CREB3L1: variants seen among roughly 807,000 people sequenced by gnomAD.
CREB3L1 encodes the protein cAMP responsive element binding protein 3 like 1.
In CREB3L1, 33 loss-of-function variants were observed where a neutral mutation model predicts 54.5. The observed-to-expected ratio is 0.61, with a 90% CI of 0.46 to 0.81. CREB3L1 has a LOEUF of 0.81. Ranked by LOEUF, CREB3L1 falls within the 30% of genes least tolerant of loss-of-function variation. The pLI, the probability that CREB3L1 is intolerant of heterozygous loss-of-function variation, is 0.00. For synonymous variants in CREB3L1, 284 were observed against 286.4 expected (o/e 0.99, Z 0.08); for missense variants, 656 against 673.3 (o/e 0.97, Z 0.29).
At chr11:46,313,420 C>T (rs1229369027) in intron 8 of CREB3L1, among the ~76,000 whole-genome samples, 1 of 152,202 alleles carries the variant, frequency 6.6e-6, no homozygotes, top group Middle Eastern at 3.2e-3. Context: ...GGCACGGTGG[C>T]TCACGCTTGT....
chr11:46,295,521 A>G lies in CREB3L1; in HGVS notation c.103-4414A>G, dbSNP rs1216732162. ...TTTCTGCCTCGGCCCCAGACGCAGA[A>G]GGGGTCCCATGCAGGCCCGAGCCAG... On this transcript the variant is annotated intron_variant, in intron 1 of 11. Coordinates refer to ENST00000621158, the MANE Select transcript of CREB3L1 (RefSeq NM_052854.4). The surrounding 1 kb of genome is among the most constrained non-coding windows in gnomAD (Gnocchi z 4.6). Among the ~76,000 whole-genome samples the G allele has an allele frequency of 6.6e-6, 1 of 152,184 alleles. No homozygotes were observed. The highest frequency in any genetic ancestry group is 1.5e-5 in the Non-Finnish European group (1 of 68,012).
intron 1 of CREB3L1, among the ~76,000 whole-genome samples, chr11:46,282,966 T>C (rs984600400): frequency 1.1e-4 from 16 of 152,116 alleles, no homozygotes; most frequent in African/African-American, 2.7e-4. Context: ...GGTAGGAGGA[T>C]TGCTTGAGCC....
intron 1 of CREB3L1, among the ~76,000 whole-genome samples, chr11:46,279,429 C>T (rs1938934131): frequency 6.6e-6 from 1 of 152,120 alleles, no homozygotes; most frequent in South Asian, 2.1e-4. Context: ...CCTGGTCACC[C>T]TGCGCTCTGA....
intron 2 of CREB3L1, among the ~76,000 whole-genome samples, chr11:46,305,199 T>TA (rs1939361992): frequency 6.6e-6 from 1 of 152,076 alleles, no homozygotes; most frequent in African/African-American, 2.4e-5. Context: ...AGGGCTGACT[T>TA]AGAGTGGAAG....
intron 1 of CREB3L1, among the ~76,000 whole-genome samples, chr11:46,293,980 T>C (rs1245896334): frequency 6.6e-6 from 1 of 152,224 alleles, no homozygotes; most frequent in Non-Finnish European, 1.5e-5. Context: ...TGAGGGTATC[T>C]GTATGTGTGA....
At chr11:46,306,618 C>G (rs1417148308) in intron 2 of CREB3L1, among the ~76,000 whole-genome samples, 9 of 152,192 alleles carry the variant, frequency 5.9e-5, no homozygotes, top group African/African-American at 2.2e-4. Flanking sequence ...AAGCCACCCC[C>G]ACTGGCCTCT....
At chr11:46,315,505 A>G (rs1038472378) in intron 8 of CREB3L1, 1 of 203,390 alleles carries the variant, frequency 4.9e-6, no homozygotes, top group Non-Finnish European at 1.0e-5. Context: ...TATATAAATA[A>G]ACGAAGTGCC....
intron 2 of CREB3L1, among the ~76,000 whole-genome samples, chr11:46,306,348 AC>A (rs1216261451): frequency 6.6e-6 from 1 of 152,120 alleles, no homozygotes; most frequent in Non-Finnish European, 1.5e-5. Context: ...ACAAAAAAAT[AC>A]AAAAATTAGC....
intron 1 of CREB3L1, among the ~76,000 whole-genome samples, chr11:46,288,151 C>T (rs1939082670): frequency 6.6e-6 from 1 of 152,000 alleles, no homozygotes; most frequent in Non-Finnish European, 1.5e-5. Flanking sequence ...GGCGCGACCT[C>T]CACTCACTGC....
chr11:46,308,739 C>T (rs542140415), intron 3 of CREB3L1, among the ~76,000 whole-genome samples: 2 of 152,226 alleles, frequency 1.3e-5, no homozygotes, highest in African/African-American at 2.4e-5. Flanking sequence ...GCTGGCCACA[C>T]GGCTCACTTG....
At chr11:46,303,861 C>A (rs1166801167) in intron 2 of CREB3L1, among the ~76,000 whole-genome samples, 1 of 151,980 alleles carries the variant, frequency 6.6e-6, no homozygotes, top group African/African-American at 2.4e-5. Context: ...AAAAAATTAG[C>A]CAGGCATGGT....
chr11:46,300,272 C>T (rs949429503), intron 2 of CREB3L1, 109 bp downstream of exon 2: 2 of 811,374 alleles, frequency 2.5e-6, no homozygotes, highest in African/African-American at 3.4e-5. Context: ...CCAGAGGCTC[C>T]AAGAGGAGCC....
rs71451645 is a variant in CREB3L1 at position 46,280,171 on chromosome 11, G to GT, written c.102+1969dup. 7.8e-3 allele frequency among the ~76,000 whole-genome samples: 1,118 copies of GT among 144,010 alleles called. 12 individuals are homozygous for GT. Among genetic ancestry groups the GT allele is most frequent in the East Asian group, 0.014 (71 of 4,992 alleles). 94.5% of individuals were successfully genotyped at this position (144,010 alleles called of 152,430 possible). ...TCAGAAAAGTGACTTTTCTTTTCTT[G>GT]TTTTTTTTTTTGTTTTTTGTTTTTT... On this transcript the variant is annotated intron_variant, in intron 1 of 11. Coordinates refer to ENST00000621158, the MANE Select transcript of CREB3L1 (RefSeq NM_052854.4).
intron 2 of CREB3L1, among the ~76,000 whole-genome samples, chr11:46,301,265 C>T (rs951336931): frequency 3.9e-5 from 6 of 151,960 alleles, no homozygotes; most frequent in Admixed American, 1.3e-4. Flanking sequence ...TGCTTGAACC[C>T]GGGTGGAGAA....
intron 1 of CREB3L1, among the ~76,000 whole-genome samples, chr11:46,292,041 G>A (rs1939138100): frequency 1.3e-5 from 2 of 152,214 alleles, no homozygotes; most frequent in Non-Finnish European, 2.9e-5. Context: ...AGCCCTGGCG[G>A]GTTGGCCACT....
At chr11:46,290,160 G>A (rs750079363) in intron 1 of CREB3L1, among the ~76,000 whole-genome samples, 8 of 152,230 alleles carry the variant, frequency 5.3e-5, no homozygotes, top group Non-Finnish European at 1.2e-4. Flanking sequence ...GCCTGGGGAG[G>A]CCCAAGGCAA....
At chr11:46,282,324 G>A (rs934324886) in intron 1 of CREB3L1, among the ~76,000 whole-genome samples, 3 of 152,150 alleles carry the variant, frequency 2.0e-5, no homozygotes, top group Non-Finnish European at 4.4e-5. Context: ...ATTACCTTGA[G>A]CCATCCCCCT....
rs1566177052 is a variant in CREB3L1 at position 46,278,442 on chromosome 11, C to G, written c.102+229C>G. Among the ~76,000 whole-genome samples, 8 of 152,218 alleles carry G rather than the reference C, an allele frequency of 5.3e-5. No individual in the cohort carries two copies. The South Asian group carries it at 1.7e-3, about 31-fold the overall frequency. The stretch of plus-strand genomic sequence containing the variant: ...TAGGGGGAAGGGGCCATCGAGGTAT[C>G]GGGTCCGTCCGATCCTCGGATCTGA... On this transcript the variant is annotated intron_variant, in intron 1 of 11. Transcript: ENST00000621158. This position sits in a 1 kb window ranked among gnomAD's most constrained non-coding sequence, Gnocchi z 4.2.
chr11:46,317,983 C>T (rs553384503), intron 10 of CREB3L1, among the ~76,000 whole-genome samples: 5 of 152,276 alleles, frequency 3.3e-5, no homozygotes, highest in South Asian at 2.1e-4. Context: ...TTTGGGAGGC[C>T]GAGGCGGTGG....
Sources: gnomAD v4.1 joint callset for allele counts (sites outside exome capture counted in the v4.1 genomes callset) on GRCh38, gnomAD v4.1.1 for gene constraint, Gnocchi (gnomAD v3.1) non-coding constraint, MANE v1.5 for transcripts, NCBI Gene and HGNC (gene_info 2026-07-23, HGNC 2026-07-21) for gene names.